The following HCN1 variants were observed in gnomAD, a reference collection of about 807,000 sequenced individuals.
The protein encoded by HCN1 is hyperpolarization activated cyclic nucleotide gated potassium channel 1, also known as potassium/sodium hyperpolarization-activated cyclic nucleotide-gated channel 1.
A neutral mutation model predicts 78.9 loss-of-function variants in HCN1; 13 were observed. That is an observed-to-expected ratio of 0.16 (90% confidence interval 0.11 to 0.26). The LOEUF (loss-of-function observed/expected upper bound fraction) is 0.26. HCN1 is among the 10% of genes least tolerant of loss of function. HCN1 has a pLI of 1.00. For missense variants in HCN1, 810 were observed against 1,154.3 expected (o/e 0.70, Z 4.32); for synonymous variants, 552 against 455.5 (o/e 1.21, Z -2.70).
At chr5:45,664,445 C>G (rs1239868494) in intron 1 of HCN1, among the ~76,000 whole-genome samples, 2 of 140,414 alleles carry the variant, frequency 1.4e-5, no homozygotes, top group African/African-American at 5.3e-5. Context: ...TACCCTAAAA[C>G]TTAAAGTATA....
At chr5:45,342,692 G>A (rs1275193314) in intron 5 of HCN1, among the ~76,000 whole-genome samples, 3 of 151,974 alleles carry the variant, frequency 2.0e-5, no homozygotes, top group South Asian at 2.1e-4. Flanking sequence ...CTCTTAACTG[G>A]TATCTTATGG....
chr5:45,299,901 G>A (rs1486169592), intron 6 of HCN1, among the ~76,000 whole-genome samples: 2 of 151,868 alleles, frequency 1.3e-5, no homozygotes, highest in Non-Finnish European at 2.9e-5. Flanking sequence ...CTCACTCATG[G>A]ACAGAGATGA....
chr5:45,497,130 T>A (rs1388183746), intron 2 of HCN1, among the ~76,000 whole-genome samples: 1 of 152,194 alleles, frequency 6.6e-6, no homozygotes, highest in African/African-American at 2.4e-5. Flanking sequence ...AAGTATGTGG[T>A]CAATTTTGGA....
intron 4 of HCN1, among the ~76,000 whole-genome samples, chr5:45,374,886 A>G (rs10472403): frequency 0.17 from 24,843 of 143,960 alleles, 2,384 homozygotes; most frequent in East Asian, 0.33. Context: ...GGGTATATAT[A>G]TAGAGAGAGA....
At chr5:45,685,556 T>C (rs1313320976) in intron 1 of HCN1, among the ~76,000 whole-genome samples, 1 of 152,040 alleles carries the variant, frequency 6.6e-6, no homozygotes. Context: ...CTAACAAAAA[T>C]ACAAAATTAG....
chr5:45,535,081 A>C (rs1742938833), intron 2 of HCN1, among the ~76,000 whole-genome samples: 1 of 152,218 alleles, frequency 6.6e-6, no homozygotes, highest in Non-Finnish European at 1.5e-5. Flanking sequence ...CTATAAAACC[A>C]AAAACAATAG....
At chr5:45,358,204 A>G (rs1243791777) in intron 4 of HCN1, among the ~76,000 whole-genome samples, 1 of 152,132 alleles carries the variant, frequency 6.6e-6, no homozygotes, top group African/African-American at 2.4e-5. Context: ...GGCAATGGAA[A>G]TCATAAGTAT....
chr5:45,527,849 G>C (rs1742770928), intron 2 of HCN1, among the ~76,000 whole-genome samples: 1 of 151,038 alleles, frequency 6.6e-6, no homozygotes, highest in Non-Finnish European at 1.5e-5. Context: ...TAAATGTTTA[G>C]TGGTTTAAAT....
intron 4 of HCN1, among the ~76,000 whole-genome samples, chr5:45,376,895 A>C (rs1476848550): frequency 1.3e-5 from 2 of 151,998 alleles, no homozygotes; most frequent in Non-Finnish European, 2.9e-5. Flanking sequence ...ATTTCAGGTA[A>C]TTCTAATGTT....
chr5:45,428,686 G>A (rs889874530), intron 3 of HCN1, among the ~76,000 whole-genome samples: 9 of 151,918 alleles, frequency 5.9e-5, no homozygotes, highest in Non-Finnish European at 1.3e-4. Flanking sequence ...TTAAATTAAT[G>A]CATTGTTATC....
At chr5:45,310,241 G>A (rs973578265) in intron 5 of HCN1, among the ~76,000 whole-genome samples, 4 of 151,978 alleles carry the variant, frequency 2.6e-5, no homozygotes, top group Non-Finnish European at 5.9e-5. Flanking sequence ...CTGTGGAATG[G>A]CAGAAAATTT....
intron 6 of HCN1, among the ~76,000 whole-genome samples, chr5:45,271,212 TA>T (rs927050205): frequency 4.9e-4 from 75 of 152,320 alleles, no homozygotes; most frequent in African/African-American, 1.8e-3. Flanking sequence ...ACATTTTGTT[TA>T]AAAAGATAAT....
At chr5:45,672,278 A>G (rs1180034618) in intron 1 of HCN1, among the ~76,000 whole-genome samples, 1 of 151,622 alleles carries the variant, frequency 6.6e-6, no homozygotes, top group Non-Finnish European at 1.5e-5. Context: ...TGCAGAAAAT[A>G]CTAGAAATTA....
intron 5 of HCN1, among the ~76,000 whole-genome samples, chr5:45,314,389 T>A (rs1745930911): frequency 6.6e-6 from 1 of 152,268 alleles, no homozygotes; most frequent in Admixed American, 6.5e-5. Context: ...GAACGACCGG[T>A]ACCAGCCATT....
Position 45,520,260 on chromosome 5 carries a change from C to A in HCN1, c.850-58253G>T, listed in dbSNP as rs938232565. 2.6e-5 allele frequency among the ~76,000 whole-genome samples: 4 copies of A among 152,056 alleles called. No homozygotes were observed. The South Asian group carries it at 8.3e-4, about 32-fold the overall frequency. ...GTGGCACAAAAAGTCTTAGGAAACT[C>A]ATTTTTAATTATCTTTAGGAGCATA... On this transcript the variant is annotated intron_variant, in intron 2 of 7. Transcript: ENST00000303230.
chr5:45,675,873 C>T (rs1017885082), intron 1 of HCN1, among the ~76,000 whole-genome samples: 2 of 151,752 alleles, frequency 1.3e-5, no homozygotes, highest in African/African-American at 4.8e-5. Flanking sequence ...AGGTCCTTTT[C>T]TGTTTTAATA....
intron 6 of HCN1, among the ~76,000 whole-genome samples, chr5:45,289,568 G>T (rs916776047): frequency 6.6e-6 from 1 of 152,180 alleles, no homozygotes; most frequent in Middle Eastern, 3.4e-3. Context: ...AATCACACCA[G>T]AGTGTGGCAA....
At chr5:45,513,228 C>T (rs772236969) in intron 2 of HCN1, among the ~76,000 whole-genome samples, 15 of 151,880 alleles carry the variant, frequency 9.9e-5, no homozygotes, top group Non-Finnish European at 1.9e-4. Flanking sequence ...ATATTACCTA[C>T]GTCTGTTTTA....
At chr5:45,690,353 G>A (rs1216936503) in intron 1 of HCN1, among the ~76,000 whole-genome samples, 1 of 152,018 alleles carries the variant, frequency 6.6e-6, no homozygotes, top group East Asian at 1.9e-4. Context: ...AACATAACTT[G>A]AAAGAGTCAT....
Sources: gnomAD v4.1 joint callset for allele counts (sites outside exome capture counted in the v4.1 genomes callset) on GRCh38, gnomAD v4.1.1 for gene constraint, MANE v1.5 for transcripts, NCBI Gene and HGNC (gene_info 2026-07-23, HGNC 2026-07-21) for gene names.